Variants in DST observed in about 807,000 individuals in gnomAD.
DST encodes bullous pemphigoid antigen.
A neutral mutation model predicts 875.2 loss-of-function variants in DST; 253 were observed. The ratio of observed to expected loss-of-function variants is 0.29; its 90% CI spans 0.26 to 0.32. The LOEUF (loss-of-function observed/expected upper bound fraction) is 0.32, where lower values mean the gene tolerates loss of function less well. DST is among the 10% of genes least tolerant of loss of function. DST has a pLI of 1.00. For synonymous variants in DST, 3,124 were observed against 3,197.1 expected (o/e 0.98, Z 0.77); for missense variants, 8,287 against 9,111.6 (o/e 0.91, Z 3.68).
intron 3 of DST, chr6:56,871,329 T>G (rs1294281989): frequency 1.1e-6 from 1 of 930,346 alleles, no homozygotes; most frequent in Admixed American, 1.7e-5. Context: ...AGCCACGAAG[T>G]ATCTGAAAGA....
At chr6:56,767,593 T>G (rs1041336616) in intron 4 of DST, among the ~76,000 whole-genome samples, 4 of 151,238 alleles carry the variant, frequency 2.6e-5, no homozygotes, top group Non-Finnish European at 5.9e-5. Context: ...CTTGCCTGGG[T>G]GACAGAGCAA....
At chr6:56,616,979 T>A in intron 36 of DST, 1 of 1,607,502 alleles carries the variant, frequency 6.2e-7, no homozygotes, top group African/African-American at 1.3e-5. Context: ...CACCATTTTG[T>A]CTATTATGAT....
chr6:56,780,577 G>GT (rs1424187567), intron 4 of DST, among the ~76,000 whole-genome samples: 1 of 152,036 alleles, frequency 6.6e-6, no homozygotes, highest in Admixed American at 6.6e-5. Context: ...GGGGTTGTCT[G>GT]TTTTTTTCCT....
intron 36 of DST, chr6:56,616,307 T>C: frequency 6.2e-7 from 1 of 1,613,896 alleles, no homozygotes; most frequent in South Asian, 1.1e-5. Context: ...ATGAGAAGAA[T>C]GCCCATAGGA....
chr6:56,733,073 A>T (rs1360763331), intron 5 of DST, among the ~76,000 whole-genome samples: 1 of 152,184 alleles, frequency 6.6e-6, no homozygotes, highest in African/African-American at 2.4e-5. Context: ...CCTTTCTGTG[A>T]GAAGAATGTG....
chr6:56,714,349 C>A lies in DST; in HGVS notation c.688-9980G>T, dbSNP rs1438105519. The stretch of plus-strand genomic sequence containing the variant: ...GGAGGATTAAAAGTTTCAAAGTGAT[C>A]ACTTCCTAAATGACATCATAAGTCT... On this transcript the variant is annotated intron_variant, in intron 5 of 103. Coordinates refer to ENST00000680361, the MANE Select transcript of DST (RefSeq NM_001374736.1). The surrounding 1 kb of genome is among the most constrained non-coding windows in gnomAD (Gnocchi z 4.5). 6.6e-6 allele frequency among the ~76,000 whole-genome samples: 1 copy of A among 152,154 alleles called. No homozygotes were observed. The highest frequency in any genetic ancestry group is 1.5e-5 in the Non-Finnish European group (1 of 68,018).
Position 56,604,633 on chromosome 6 carries a change from G to C in DST, c.9995C>G (p.Ala3332Gly), listed in dbSNP as rs370850703. Residue 3332 changes from alanine (A) to glycine (G), a missense_variant, in exon 40 of 104, where the codon GCC becomes GGC. Transcript: ENST00000680361. ...RIEQQLPKEQ[A>G]LSPRSQEKEV... ...CTTTTCTTGGGATCTTGGAGACAAG[G>C]CTTGTTCTTTTGGTAGCTGTTGCTC... is the stretch of plus-strand genomic sequence containing the variant. The C allele has an allele frequency of 5.8e-5, 93 of 1,612,424 alleles. No homozygotes were observed. The highest frequency in any genetic ancestry group is 5.7e-4 in the African/African-American group (43 of 74,878).
At chr6:56,662,899 A>T (rs915594131) in intron 10 of DST, among the ~76,000 whole-genome samples, 1 of 152,162 alleles carries the variant, frequency 6.6e-6, no homozygotes, top group African/African-American at 2.4e-5. Flanking sequence ...CAGTGAGCCA[A>T]GATCGCACCA....
At chr6:56,727,743 A>G (rs2099470467) in intron 5 of DST, among the ~76,000 whole-genome samples, 1 of 152,236 alleles carries the variant, frequency 6.6e-6, no homozygotes, top group Admixed American at 6.5e-5. Flanking sequence ...CAAAGAGGCC[A>G]TGTGCCCTAG....
intron 79 of DST, 115 bp from the exon 80 acceptor site, chr6:56,501,350 A>C: frequency 8.1e-7 from 1 of 1,229,416 alleles, no homozygotes; most frequent in Non-Finnish European, 1.1e-6. Flanking sequence ...AAACGTATCC[A>C]GTGAAGCCTA....
At chr6:56,678,081 A>T (rs2099139400) in intron 9 of DST, among the ~76,000 whole-genome samples, 2 of 152,244 alleles carry the variant, frequency 1.3e-5, no homozygotes, top group South Asian at 4.1e-4. Flanking sequence ...AAAAAAAATC[A>T]TTTTTACATT....
At chr6:56,866,441 T>G (rs984681000) in intron 3 of DST, among the ~76,000 whole-genome samples, 2 of 152,256 alleles carry the variant, frequency 1.3e-5, no homozygotes, top group Non-Finnish European at 1.5e-5. Flanking sequence ...TTCAAAGACC[T>G]AAGTCAGAGT....
chr6:56,597,930 T>C lies in DST; in HGVS notation c.12005A>G (p.Lys4002Arg). ...TTTTGTCCCTGCCCTTTCTGAGTCTTTGTCAACATTTGACAACCAGTCCAA... is the reference window on the plus strand; with the variant it reads ...TTTTGTCCCTGCCCTTTCTGAGTCTCTGTCAACATTTGACAACCAGTCCAA... ...NLLDWLSNVD[K>R]DSERAGTKHK... The change falls in exon 47 of 104, where the codon AAA becomes AGA. Residue 4002 changes from lysine to arginine, a missense_variant. Transcript: ENST00000680361. The C allele has an allele frequency of 6.2e-7, 1 of 1,613,660 alleles. No individual in the cohort carries two copies. The highest frequency in any genetic ancestry group is 8.5e-7 in the Non-Finnish European group (1 of 1,179,714).
chr6:56,647,688 G>GTTGTTTTTTTTTTTTTTTTTTTTTTTTT (rs1491402943), intron 13 of DST, among the ~76,000 whole-genome samples: 2 of 126,884 alleles, frequency 1.6e-5, no homozygotes, highest in African/African-American at 6.4e-5. Context: ...TTTTTGTAAT[G>GTTGTTTTTTTTTTTTTTTTTTTTTTTTT]TTTTTTTTTT....
intron 3 of DST, among the ~76,000 whole-genome samples, chr6:56,895,170 C>A (rs1249342222): frequency 2.6e-5 from 2 of 75,608 alleles, no homozygotes; most frequent in African/African-American, 8.4e-5. Flanking sequence ...ACCCCCCCCA[C>A]CTCCCTCCCG....
Position 56,529,968 on chromosome 6 carries a change from TCTTA to T in DST, c.17268+2_17268+5del. ...GAACCTCGCTAATGTGTGATTTATATCTTACTTTGTGCTGTGCAATTTGTTCCTC... is the reference window on the plus strand; with the variant it reads ...GAACCTCGCTAATGTGTGATTTATATCTTTGTGCTGTGCAATTTGTTCCTC... On this transcript the variant is annotated splice_donor_variant and splice_donor_5th_base_variant and intron_variant, in intron 65 of 103. Coordinates refer to ENST00000680361, the MANE Select transcript of DST (RefSeq NM_001374736.1). LOFTEE classifies it high-confidence loss of function. 6.2e-7 allele frequency: 1 copy of T among 1,612,686 alleles called. No individual in the cohort carries two copies. Among genetic ancestry groups the T allele is most frequent in the Non-Finnish European group, 8.5e-7 (1 of 1,179,414 alleles).
intron 13 of DST, among the ~76,000 whole-genome samples, chr6:56,647,688 G>GTTGTTTTTTTTTTTTTTTTT (rs1491402943): frequency 8.7e-5 from 11 of 126,902 alleles, no homozygotes; most frequent in African/African-American, 3.5e-4. Flanking sequence ...TTTTTGTAAT[G>GTTGTTTTTTTTTTTTTTTTT]TTTTTTTTTT....
chr6:56,573,010 T>G lies in DST; in HGVS notation c.13291A>C (p.Lys4431Gln). The change falls in exon 52 of 104, where the codon AAA becomes CAA. Residue 4431 changes from lysine (K) to glutamine (Q), a missense_variant. By Grantham distance (53) the Lys-to-Gln change is moderately conservative. Transcript: ENST00000680361. ...GTTGTTTCCATAAATTTCTTCACTT[T>G]TTCATTCATGGCATTTATACTGCTC... ...RQSSINAMNEKVKKFMETTDP... is the reference protein window; with the variant it reads ...RQSSINAMNEQVKKFMETTDP... The G allele has an allele frequency of 1.2e-6, 2 of 1,606,000 alleles. No individual in the cohort carries two copies. The highest frequency in any genetic ancestry group is 1.1e-5 in the South Asian group (1 of 89,376).
intron 22 of DST, among the ~76,000 whole-genome samples, chr6:56,637,011 A>G (rs2098831884): frequency 1.3e-5 from 2 of 152,166 alleles, no homozygotes; most frequent in African/African-American, 4.8e-5. Context: ...TGAACCCAGG[A>G]GGCGGAGGTT....
Sources: allele counts gnomAD v4.1 joint callset (sites outside exome capture counted in the v4.1 genomes callset), GRCh38; gene constraint gnomAD v4.1.1; non-coding constraint Gnocchi (gnomAD v3.1); transcripts MANE v1.5; gene names NCBI Gene and HGNC (gene_info 2026-07-23, HGNC 2026-07-21).